HDAC9: variants seen among roughly 807,000 people sequenced by gnomAD.
The protein encoded by HDAC9 is MEF-2 interacting transcription repressor (MITR) protein.
A neutral mutation model predicts 139.4 loss-of-function variants in HDAC9; 41 were observed. The observed-to-expected ratio is 0.29, with a 90% CI of 0.23 to 0.38. The LOEUF is 0.38. Ranked by LOEUF, HDAC9 falls within the 10% of genes least tolerant of loss-of-function variation. The probability of loss-of-function intolerance (pLI) is 1.00; values close to 1 mark genes in which losing one functional copy is unlikely to be tolerated. For missense variants in HDAC9, 1,147 were observed against 1,297.0 expected, an observed-to-expected ratio of 0.88 and a Z score of 1.78; for synonymous variants, 517 against 476.2, an observed-to-expected ratio of 1.09 and a Z score of -1.12.
intron 15 of HDAC9, among the ~76,000 whole-genome samples, chr7:18,765,920 T>A (rs2129160065): frequency 6.6e-6 from 1 of 152,300 alleles, no homozygotes; most frequent in East Asian, 1.9e-4. Flanking sequence ...TCTTTATAAC[T>A]AGATGGCTTC....
At position 18,115,283 on chromosome 7, in the gene HDAC9, AC is replaced by A. The variant is rs1324375481; in HGVS notation, c.-97+28071del. On this transcript the variant is annotated intron_variant, in intron 1 of 12. Transcript: ENST00000417496. ...ACTCCAGCCTAGGTGACAGAGCGAGACTCTGTCTCAAAAAAAAAAAAAAAAT... is the reference window on the plus strand; with the variant it reads ...ACTCCAGCCTAGGTGACAGAGCGAGATCTGTCTCAAAAAAAAAAAAAAAAT... 1.1e-4 allele frequency among the ~76,000 whole-genome samples: 12 copies of A among 112,516 alleles called. No individual in the cohort carries two copies. The East Asian group carries it at 3.3e-3, about 31-fold the overall frequency. 73.8% of individuals were successfully genotyped at this position (112,516 alleles called of 152,430 possible). A position where few individuals can be genotyped will look rare whatever the true frequency, so the allele number is the denominator to read the frequency against.
chr7:18,087,241 G>C (rs1781849857), intron 1 of HDAC9: 1 of 152,358 alleles, frequency 6.6e-6, no homozygotes, highest in African/African-American at 2.4e-5. Context: ...AGAGTCCCCG[G>C]CTGGTGCTTG....
chr7:18,718,804 G>C (rs143492886), intron 12 of HDAC9, among the ~76,000 whole-genome samples: 74 of 152,152 alleles, frequency 4.9e-4, no homozygotes, highest in African/African-American at 1.7e-3. Flanking sequence ...TGAAATTGCT[G>C]GGTCATAGGG....
chr7:18,563,404 G>T (rs1821213537), intron 2 of HDAC9, among the ~76,000 whole-genome samples: 1 of 151,860 alleles, frequency 6.6e-6, no homozygotes, highest in Non-Finnish European at 1.5e-5. Context: ...ATAAGCTCCA[G>T]TTATTCAATG....
intron 21 of HDAC9, among the ~76,000 whole-genome samples, chr7:18,850,202 A>C (rs939254344): frequency 2.0e-5 from 3 of 152,222 alleles, no homozygotes; most frequent in African/African-American, 7.2e-5. Context: ...ATAGGTTCAC[A>C]AAAACGAGAG....
intron 1 of HDAC9, among the ~76,000 whole-genome samples, chr7:18,348,797 T>C (rs1467431230): frequency 6.6e-6 from 1 of 152,048 alleles, no homozygotes; most frequent in Non-Finnish European, 1.5e-5. Flanking sequence ...CTATTAAAAT[T>C]ACAGCTACTA....
At chr7:18,964,001 C>G (rs1783691901) in intron 24 of HDAC9, among the ~76,000 whole-genome samples, 1 of 152,144 alleles carries the variant, frequency 6.6e-6, no homozygotes, top group Non-Finnish European at 1.5e-5. Context: ...CAACTTTACC[C>G]ATCTAAGAAA....
chr7:18,834,866 C>T (rs1796121558), intron 19 of HDAC9, among the ~76,000 whole-genome samples: 1 of 152,180 alleles, frequency 6.6e-6, no homozygotes, highest in South Asian at 2.1e-4. Context: ...GGTTGCAAAG[C>T]CTTTGACCTT....
At chr7:18,530,447 C>T (rs1808535093) in intron 2 of HDAC9, among the ~76,000 whole-genome samples, 1 of 151,936 alleles carries the variant, frequency 6.6e-6, no homozygotes, top group Non-Finnish European at 1.5e-5. Flanking sequence ...AAAAAAAATG[C>T]ACCCTTGCTA....
chr7:18,404,660 G>A (rs182253161), intron 1 of HDAC9, among the ~76,000 whole-genome samples: 1 of 152,214 alleles, frequency 6.6e-6, no homozygotes, highest in East Asian at 1.9e-4. Flanking sequence ...ATAGGTCTTG[G>A]AAACTGCAAC....
intron 2 of HDAC9, among the ~76,000 whole-genome samples, chr7:18,544,697 T>C (rs1814180642): frequency 6.6e-6 from 1 of 152,086 alleles, no homozygotes. Flanking sequence ...AACAGGAGGA[T>C]GTGGACTATT....
chr7:18,984,996 T>G (rs956201474), intron 25 of HDAC9, among the ~76,000 whole-genome samples: 4 of 152,222 alleles, frequency 2.6e-5, no homozygotes, highest in African/African-American at 9.6e-5. Context: ...ATCACACATT[T>G]AGGTGTAGAA....
At chr7:18,951,517 A>G (rs1782792134) in intron 23 of HDAC9, among the ~76,000 whole-genome samples, 1 of 151,870 alleles carries the variant, frequency 6.6e-6, no homozygotes, top group African/African-American at 2.4e-5. Flanking sequence ...AAATGGCATG[A>G]CGGGTGTGTA....
rs192154816 is a variant in HDAC9, at chr7:18,990,418, G to C, written c.3171-5605G>C. Among the ~76,000 whole-genome samples, 530 of 152,348 alleles carry C rather than the reference G, an allele frequency of 3.5e-3. 1 individual carries two copies. The highest frequency in any genetic ancestry group is 0.012 in the African/African-American group (490 of 41,578). Reference sequence around the variant, plus strand: ...CAGTCTGCCCGTTTTCAGATCTCCAGCTGCGTGCTGGGAGAGCCACTGCTC... The same window carrying C: ...CAGTCTGCCCGTTTTCAGATCTCCACCTGCGTGCTGGGAGAGCCACTGCTC... On this transcript the variant is annotated intron_variant, in intron 25 of 25. Transcript: ENST00000686413.
Position 18,911,313 on chromosome 7 carries a change from GTAT to G in HDAC9, c.2804-24495_2804-24493del, listed in dbSNP as rs562043577. Among the ~76,000 whole-genome samples, 39 of 151,824 alleles carry G rather than the reference GTAT, an allele frequency of 2.6e-4. No individual in the cohort carries two copies. The East Asian group carries it at 7.6e-3, about 29-fold the overall frequency. ...TGTAATGTCTTGTTGTTGTATAGTT[GTAT>G]AGTTGGTGTCAGTTGTAATGTCTTG... is the stretch of plus-strand genomic sequence containing the variant. On this transcript the variant is annotated intron_variant, in intron 22 of 25. Coordinates refer to ENST00000686413, the MANE Select transcript of HDAC9 (RefSeq NM_178425.4).
chr7:18,285,318 TATA>T (rs1292415067), intron 2 of HDAC9, among the ~76,000 whole-genome samples: 3 of 152,154 alleles, frequency 2.0e-5, no homozygotes, highest in East Asian at 1.9e-4. Context: ...TAGAAATTTT[TATA>T]ATAATGACAT....
chr7:18,257,192 G>A (rs990267068), intron 2 of HDAC9, among the ~76,000 whole-genome samples: 1 of 150,980 alleles, frequency 6.6e-6, no homozygotes, highest in Non-Finnish European at 1.5e-5. Flanking sequence ...AGAAAACATT[G>A]GGTCAGGTGT....
intron 1 of HDAC9, among the ~76,000 whole-genome samples, chr7:18,444,341 GAAAAAAAAAA>G (rs754142568): frequency 1.7e-4 from 6 of 35,166 alleles, no homozygotes; most frequent in South Asian, 8.2e-4. Flanking sequence ...GACCCTGTCT[GAAAAAAAAAA>G]AAAAAAAAAA....
At chr7:18,864,569 T>G (rs1798348542) in intron 21 of HDAC9, among the ~76,000 whole-genome samples, 2 of 151,956 alleles carry the variant, frequency 1.3e-5, no homozygotes, top group East Asian at 3.9e-4. Context: ...CCTTAACAGT[T>G]GTTTAAGGGG....
Sources: allele counts gnomAD v4.1 joint callset (sites outside exome capture counted in the v4.1 genomes callset), GRCh38; gene constraint gnomAD v4.1.1; transcripts MANE v1.5; gene names NCBI Gene and HGNC (gene_info 2026-07-23, HGNC 2026-07-21).